Variants in FUT9 observed in about 807,000 individuals in gnomAD.
FUT9 encodes the protein 4-galactosyl-N-acetylglucosaminide 3-alpha-L-fucosyltransferase 9.
A neutral mutation model predicts 29.7 loss-of-function variants in FUT9; 15 were observed. That is an observed-to-expected ratio of 0.51 (90% CI 0.34 to 0.78). The LOEUF (loss-of-function observed/expected upper bound fraction) is 0.78. FUT9 is among the 30% of genes least tolerant of loss of function. FUT9 has a pLI of 0.01. For synonymous variants in FUT9, 169 were observed against 153.7 expected (o/e 1.10, Z -0.74); for missense variants, 319 against 425.4 (o/e 0.75, Z 2.20).
intron 2 of FUT9, among the ~76,000 whole-genome samples, chr6:96,170,038 G>A (rs1385665918): frequency 6.6e-6 from 1 of 152,132 alleles, no homozygotes; most frequent in Non-Finnish European, 1.5e-5. Context: ...AACTGAATTA[G>A]ATACTGAAAA....
At chr6:96,175,877 T>C (rs1773193733) in intron 2 of FUT9, among the ~76,000 whole-genome samples, 1 of 152,144 alleles carries the variant, frequency 6.6e-6, no homozygotes, top group Non-Finnish European at 1.5e-5. Context: ...TTTGAGGGTG[T>C]TTTCAGAAGA....
rs1337309078 is a variant in FUT9 at position 96,213,832 on chromosome 6, T to C, written c.*9597T>C. On this transcript the variant is annotated 3_prime_UTR_variant, in exon 3 of 3. Transcript: ENST00000302103. Reference sequence around the variant, plus strand: ...CTTTAAATCTTATTTTAGTAGCTAATGCATGTTTGAAATAAGATGTGTTAG... The same window carrying C: ...CTTTAAATCTTATTTTAGTAGCTAACGCATGTTTGAAATAAGATGTGTTAG... 6.0e-6 allele frequency: 1 copy of C among 166,968 alleles called. No homozygotes were observed. The highest frequency in any genetic ancestry group is 1.9e-4 in the East Asian group (1 of 5,198). 10.3% of individuals were successfully genotyped at this position (166,968 alleles called of 1,614,324 possible). A position where few individuals can be genotyped will look rare whatever the true frequency, so the allele number is the denominator to read the frequency against.
intron 2 of FUT9, among the ~76,000 whole-genome samples, chr6:96,191,119 T>C (rs1299822710): frequency 6.6e-6 from 1 of 152,090 alleles, no homozygotes; most frequent in Admixed American, 6.6e-5. Context: ...CTTCTAACAG[T>C]CAAGACCCTC....
At chr6:96,096,858 C>T (rs568228072) in intron 1 of FUT9, among the ~76,000 whole-genome samples, 90 of 151,970 alleles carry the variant, frequency 5.9e-4, no homozygotes, top group African/African-American at 2.1e-3. Flanking sequence ...GGTTTTTATT[C>T]GTTTCTTGTT....
At chr6:96,020,391 G>T (rs1325200864) in intron 1 of FUT9, among the ~76,000 whole-genome samples, 1 of 152,040 alleles carries the variant, frequency 6.6e-6, no homozygotes, top group Admixed American at 6.6e-5. Context: ...TCACAGAGAA[G>T]GTTTCGTATC....
chr6:96,055,679 C>T (rs1366099625), intron 1 of FUT9, among the ~76,000 whole-genome samples: 1 of 144,502 alleles, frequency 6.9e-6, no homozygotes, highest in Non-Finnish European at 1.5e-5. Flanking sequence ...TTTTTGTTTT[C>T]GTTTTTGTTT....
At chr6:96,023,425 A>G (rs1268385069) in intron 1 of FUT9, among the ~76,000 whole-genome samples, 1 of 151,962 alleles carries the variant, frequency 6.6e-6, no homozygotes, top group Non-Finnish European at 1.5e-5. Flanking sequence ...GTATAGTGAA[A>G]GCTTTGCACC....
chr6:96,090,220 A>T (rs1214195337), intron 1 of FUT9, among the ~76,000 whole-genome samples: 1 of 152,128 alleles, frequency 6.6e-6, no homozygotes, highest in Non-Finnish European at 1.5e-5. Context: ...AAATTTCAAA[A>T]ATTAGCATCT....
At chr6:96,051,376 G>A (rs1262447554) in intron 1 of FUT9, among the ~76,000 whole-genome samples, 2 of 152,060 alleles carry the variant, frequency 1.3e-5, no homozygotes, top group East Asian at 3.9e-4. Flanking sequence ...AAATAGGCCA[G>A]GCATGGTGGT....
intron 2 of FUT9, among the ~76,000 whole-genome samples, chr6:96,169,637 G>T (rs183527348): frequency 6.6e-6 from 1 of 151,964 alleles, no homozygotes; most frequent in Non-Finnish European, 1.5e-5. Context: ...TAAGTCTTTC[G>T]CTCTTTAGGT....
chr6:96,182,575 T>C lies in FUT9; in HGVS notation c.-8-20573T>C, dbSNP rs191953184. Reference sequence around the variant, plus strand: ...TCAGGTCTTAGATTTAAGTCCTTGATCCATCTTGAACTCAGGTTTAAGCCC... The same window carrying C: ...TCAGGTCTTAGATTTAAGTCCTTGACCCATCTTGAACTCAGGTTTAAGCCC... On this transcript the variant is annotated intron_variant, in intron 2 of 2. Transcript: ENST00000302103. Among the ~76,000 whole-genome samples the C allele has an allele frequency of 4.6e-5, 7 of 152,220 alleles. No homozygotes were observed. In the East Asian group the frequency reaches 1.3e-3, roughly 29 times the overall value.
At chr6:96,041,081 T>C (rs1264894679) in intron 1 of FUT9, among the ~76,000 whole-genome samples, 2 of 151,632 alleles carry the variant, frequency 1.3e-5, no homozygotes, top group Admixed American at 1.3e-4. Flanking sequence ...TCCCTCCCGG[T>C]TTATGCCTTT....
chr6:96,058,049 G>C (rs1271690372), intron 1 of FUT9, among the ~76,000 whole-genome samples: 3 of 151,904 alleles, frequency 2.0e-5, no homozygotes, highest in Non-Finnish European at 4.4e-5. Flanking sequence ...GATCTTGTTT[G>C]ATATTCTTCA....
In FUT9 at chr6:96,171,787, T is replaced by A. The variant is rs189641383; in HGVS notation, c.-8-31361T>A. ...TTCCATCACCTCATGGGATTTCTAC[T>A]CTTGGTTCCCTTCATTCATCCTAAC... On this transcript the variant is annotated intron_variant, in intron 2 of 2. Transcript: ENST00000302103. 4.6e-3 allele frequency among the ~76,000 whole-genome samples: 708 copies of A among 152,284 alleles called. 3 individuals are homozygous for A. Among genetic ancestry groups the A allele is most frequent in the Middle Eastern group, 6.8e-3 (2 of 294 alleles).
At chr6:96,026,170 A>G (rs1483010204) in intron 1 of FUT9, among the ~76,000 whole-genome samples, 1 of 151,652 alleles carries the variant, frequency 6.6e-6, no homozygotes, top group African/African-American at 2.4e-5. Flanking sequence ...AATGTGAAAG[A>G]CCCATGGAAA....
chr6:96,189,742 TG>T (rs1467523068), intron 2 of FUT9, among the ~76,000 whole-genome samples: 3 of 152,166 alleles, frequency 2.0e-5, no homozygotes, highest in Non-Finnish European at 4.4e-5. Context: ...TGCCTTTTTT[TG>T]TTTTCCATTT....
intron 1 of FUT9, among the ~76,000 whole-genome samples, chr6:96,089,199 C>A (rs1026263172): frequency 6.6e-6 from 1 of 152,184 alleles, no homozygotes; most frequent in Non-Finnish European, 1.5e-5. Context: ...TTCATACACA[C>A]ATTTGCTGAT....
In FUT9 at chr6:96,203,335, T is replaced by C; in HGVS notation, c.180T>C (p.Tyr60=). 2 of 1,613,998 alleles carry C rather than the reference T, an allele frequency of 1.2e-6. No homozygotes were observed. The highest frequency in any genetic ancestry group is 8.5e-7 in the Non-Finnish European group (1 of 1,179,926). Residue 60 remains tyrosine, a synonymous_variant, in exon 3 of 3, where the codon TAT becomes TAC. Transcript: ENST00000302103. ...MKNFFSTKTD[Y]FNETTILVWV... ...ACTTCTTTTCCACCAAAACTGATTA[T>C]TTTAATGAAACTACTATTCTGGTGT... is the stretch of plus-strand genomic sequence containing the variant.
At chr6:96,170,850 C>A (rs1773101030) in intron 2 of FUT9, among the ~76,000 whole-genome samples, 1 of 152,238 alleles carries the variant, frequency 6.6e-6, no homozygotes, top group African/African-American at 2.4e-5. Flanking sequence ...AGTGATAAAA[C>A]AAACTGTCCC....
Sources: gnomAD v4.1 joint callset for allele counts (sites outside exome capture counted in the v4.1 genomes callset) on GRCh38, gnomAD v4.1.1 for gene constraint, MANE v1.5 for transcripts, NCBI Gene and HGNC (gene_info 2026-07-23, HGNC 2026-07-21) for gene names.